Variants in BTBD8 observed in about 807,000 individuals in gnomAD.
BTBD8 encodes the protein BTB domain containing 8.
A neutral mutation model predicts 162.9 loss-of-function variants in BTBD8; 110 were observed. The ratio of observed to expected loss-of-function variants is 0.68; its 90% CI spans 0.58 to 0.79. The LOEUF (loss-of-function observed/expected upper bound fraction) is 0.79. Among genes scored for constraint, BTBD8 ranks in the 30% least tolerant of loss-of-function variants. The pLI is 0.00. For missense variants in BTBD8, 1,905 were observed against 2,085.4 expected (o/e 0.91, Z 1.68); for synonymous variants, 667 against 716.1 (o/e 0.93, Z 1.10).
chr1:92,126,247 A>G (rs556431697), intron 4 of BTBD8: 29 of 585,644 alleles, frequency 5.0e-5, no homozygotes, highest in South Asian at 4.0e-4. Context: ...CGTTGATAAG[A>G]AAATGAAGAG....
Position 92,102,225 on chromosome 1 carries a change from G to A in BTBD8, c.348-248G>A, listed in dbSNP as rs529611761. Among the ~76,000 whole-genome samples the A allele has an allele frequency of 5.5e-4, 83 of 152,052 alleles. 1 individual carries two copies. Among genetic ancestry groups the A allele is most frequent in the African/African-American group, 1.9e-3 (79 of 41,480 alleles). On this transcript the variant is annotated intron_variant, in intron 2 of 17. Transcript: ENST00000636805. ...TTAGAGACAGGGTTTCGCCATGTTG[G>A]CCAGGCTGATCTTGAACTCCTGACC...
Position 92,177,357 on chromosome 1 carries a change from A to G in BTBD8, c.2164A>G (p.Ile722Val). ...ATGKDSPCLS[I>V]AGPSSRSTDS... ...AGGGAAGGATTCACCATGCCTCAGC[A>G]TCGCAGGACCCTCCAGCAGATCCAC... The change falls in exon 14 of 18, where the codon ATC becomes GTC. Residue 722 changes from isoleucine to valine, a missense_variant. By Grantham distance (29) the Ile-to-Val change is conservative (BLOSUM62 3). Coordinates refer to ENST00000636805, the MANE Select transcript of BTBD8 (RefSeq NM_001376131.1). 2 of 1,551,834 alleles carry G rather than the reference A, an allele frequency of 1.3e-6. No individual in the cohort carries two copies. Among genetic ancestry groups the G allele is most frequent in the South Asian group, 1.2e-5 (1 of 84,064 alleles).
chr1:92,102,628 C>A lies in BTBD8; in HGVS notation c.503C>A (p.Pro168Gln). 6.6e-7 allele frequency: 1 copy of A among 1,524,218 alleles called. No homozygotes were observed. Among genetic ancestry groups the A allele is most frequent in the Non-Finnish European group, 8.8e-7 (1 of 1,136,580 alleles). The allele number at this position is 1,524,218 out of a possible 1,614,324, so 94.4% of individuals were successfully genotyped here. A position where few individuals can be genotyped will look rare whatever the true frequency, so the allele number is the denominator to read the frequency against. ...SDCSLQKHEIPEDISDRDDDF... is the reference protein window; with the variant it reads ...SDCSLQKHEIQEDISDRDDDF... Reference sequence around the variant, plus strand: ...TGTTCTCTTCAGAAGCATGAAATTCCAGAGGATATCAGTGACAGAGATGAT... The same window carrying A: ...TGTTCTCTTCAGAAGCATGAAATTCAAGAGGATATCAGTGACAGAGATGAT... Residue 168 changes from proline (P) to glutamine (Q), a missense_variant, in exon 3 of 18, where the codon CCA becomes CAA. Coordinates refer to ENST00000636805, the MANE Select transcript of BTBD8 (RefSeq NM_001376131.1).
At chr1:92,138,351 A>G (rs764699651) in intron 5 of BTBD8, among the ~76,000 whole-genome samples, 26 of 152,248 alleles carry the variant, frequency 1.7e-4, no homozygotes, top group Non-Finnish European at 2.9e-4. Context: ...ATATTGAACC[A>G]TCGGAAAGCA....
At chr1:92,158,559 G>A (rs1351295332) in intron 9 of BTBD8, among the ~76,000 whole-genome samples, 3 of 151,894 alleles carry the variant, frequency 2.0e-5, no homozygotes, top group Non-Finnish European at 2.9e-5. Flanking sequence ...GTACATATTC[G>A]TTAATATACT....
chr1:92,168,709 A>G (rs147005539), intron 11 of BTBD8, among the ~76,000 whole-genome samples, 157 bp from the exon 12 acceptor site: 12 of 152,320 alleles, frequency 7.9e-5, no homozygotes, highest in South Asian at 4.1e-4. Flanking sequence ...TTTGTTATTA[A>G]TAAGTCTTCA....
chr1:92,148,266 A>G (rs998978594), intron 9 of BTBD8, among the ~76,000 whole-genome samples: 2 of 152,226 alleles, frequency 1.3e-5, no homozygotes, highest in Non-Finnish European at 2.9e-5. Flanking sequence ...TCCCTTGCTC[A>G]TAATGTTTCT....
At chr1:92,092,524 A>G (rs1250580875) in intron 2 of BTBD8, among the ~76,000 whole-genome samples, 1 of 152,138 alleles carries the variant, frequency 6.6e-6, no homozygotes. Context: ...AACCCAACAT[A>G]CTGGCACTTC....
rs148122843 is a variant in BTBD8 at position 92,102,398 on chromosome 1, C to G, written c.348-75C>G. 576 of 1,140,544 alleles carry G rather than the reference C, an allele frequency of 5.1e-4. 2 individuals are homozygous for G. The African/African-American group carries it at 7.8e-3, about 15-fold the overall frequency. The allele number at this position is 1,140,544 out of a possible 1,614,324, so 70.7% of individuals were successfully genotyped here. On this transcript the variant is annotated intron_variant, in intron 2 of 17. Coordinates refer to ENST00000636805, the MANE Select transcript of BTBD8 (RefSeq NM_001376131.1). ...TAATATTATATATGAAAGTAGCACA[C>G]TAAGGAAACTAGCATTCTTTCTTTT...
At chr1:92,171,699 G>C (rs1452821116) in intron 13 of BTBD8, among the ~76,000 whole-genome samples, 1 of 152,000 alleles carries the variant, frequency 6.6e-6, no homozygotes, top group Non-Finnish European at 1.5e-5. Flanking sequence ...AACCTTTTTG[G>C]CAGCTAACGT....
At chr1:92,098,471 T>A (rs558998408) in intron 2 of BTBD8, among the ~76,000 whole-genome samples, 1 of 152,350 alleles carries the variant, frequency 6.6e-6, no homozygotes, top group South Asian at 2.1e-4. Context: ...GGTCATATAG[T>A]AACCTTTTCA....
chr1:92,136,407 T>C (rs1167462015), intron 5 of BTBD8, among the ~76,000 whole-genome samples: 1 of 152,090 alleles, frequency 6.6e-6, no homozygotes, highest in Admixed American at 6.6e-5. Flanking sequence ...TCTTCTTGCC[T>C]TCCTCATTTT....
Position 92,088,892 on chromosome 1 carries a change from T to G in BTBD8, c.344T>G (p.Leu115Ter), listed in dbSNP as rs151101910. Reference protein sequence around the residue: ...NVEALEFRTFLQIIYSSNRNI... With the variant: ...NVEALEFRTF ...GAAGCTTTAGAATTTAGAACGTTTTTACAGTAAGTGCTTTCTTTATCCATG... is the reference window on the plus strand; with the variant it reads ...GAAGCTTTAGAATTTAGAACGTTTTGACAGTAAGTGCTTTCTTTATCCATG... Residue 115 changes from leucine to a stop codon, truncating the protein, a stop_gained, in exon 2 of 18, where the codon TTA (leucine) becomes TGA (stop). Coordinates refer to ENST00000636805, the MANE Select transcript of BTBD8 (RefSeq NM_001376131.1). LOFTEE classifies it high-confidence loss of function. 7.5e-6 allele frequency: 12 copies of G among 1,605,978 alleles called. No homozygotes were observed. The highest frequency in any genetic ancestry group is 1.0e-5 in the Non-Finnish European group (12 of 1,175,688).
At chr1:92,155,283 C>T (rs1183085758) in intron 9 of BTBD8, among the ~76,000 whole-genome samples, 1 of 152,118 alleles carries the variant, frequency 6.6e-6, no homozygotes, top group Non-Finnish European at 1.5e-5. Context: ...TTTTCTATTT[C>T]TATAAAAAAT....
intron 1 of BTBD8, among the ~76,000 whole-genome samples, chr1:92,086,109 A>G (rs1370066954): frequency 6.6e-6 from 1 of 152,198 alleles, no homozygotes; most frequent in African/African-American, 2.4e-5. Flanking sequence ...AGTGGGAAAC[A>G]TGTTCTTCTG....
Position 92,179,818 on chromosome 1 carries a change from C to T in BTBD8, c.2582-447C>T, listed in dbSNP as rs373397651. On this transcript the variant is annotated intron_variant, in intron 16 of 17. Transcript: ENST00000636805. ...AAGAAAACAACTGCAACAATTTTAA[C>T]AGTTCTATTTATTTTATATTTAGCT... 5.9e-5 allele frequency among the ~76,000 whole-genome samples: 9 copies of T among 152,192 alleles called. No homozygotes were observed. In the South Asian group the frequency reaches 1.2e-3, roughly 21 times the overall value.
chr1:92,159,956 G>A (rs564500152), intron 9 of BTBD8, among the ~76,000 whole-genome samples: 4 of 151,996 alleles, frequency 2.6e-5, no homozygotes, highest in South Asian at 2.1e-4. Context: ...GGAAGTTTTC[G>A]GCCATTATTT....
intron 9 of BTBD8, among the ~76,000 whole-genome samples, chr1:92,155,209 CCTT>C (rs1236139453): frequency 1.3e-5 from 2 of 152,056 alleles, no homozygotes; most frequent in African/African-American, 4.8e-5. Flanking sequence ...CCAACTTTTT[CCTT>C]CTTAAGATTA....
At chr1:92,174,202 A>C (rs1650636995) in intron 13 of BTBD8, among the ~76,000 whole-genome samples, 1 of 151,900 alleles carries the variant, frequency 6.6e-6, no homozygotes, top group Non-Finnish European at 1.5e-5. Context: ...AATTTTTCCT[A>C]TTTTTTGAGA....
Sources: allele counts gnomAD v4.1 joint callset (sites outside exome capture counted in the v4.1 genomes callset), GRCh38; gene constraint gnomAD v4.1.1; transcripts MANE v1.5; gene names NCBI Gene and HGNC (gene_info 2026-07-23, HGNC 2026-07-21).